The following CNTNAP5 variants were observed in gnomAD, a reference collection of about 807,000 sequenced individuals.
CNTNAP5 encodes the protein contactin-associated protein-like 5.
Under a neutral mutation model 150.2 loss-of-function variants are expected in CNTNAP5, and 72 were observed. That is an observed-to-expected ratio of 0.48 (90% CI 0.40 to 0.58). The LOEUF (loss-of-function observed/expected upper bound fraction) is 0.58. Among genes scored for constraint, CNTNAP5 ranks in the 20% least tolerant of loss-of-function variants. CNTNAP5 has a pLI of 0.00. For synonymous variants in CNTNAP5, 672 were observed against 619.8 expected, an observed-to-expected ratio of 1.08 and a Z score of -1.25; for missense variants, 1,636 against 1,626.2, an observed-to-expected ratio of 1.01 and a Z score of -0.10.
intron 3 of CNTNAP5, among the ~76,000 whole-genome samples, chr2:124,318,971 CT>C (rs1689035856): frequency 6.6e-6 from 1 of 152,192 alleles, no homozygotes; most frequent in Admixed American, 6.5e-5. Flanking sequence ...TAACTCCCCT[CT>C]TTTGCGAAAT....
intron 13 of CNTNAP5, among the ~76,000 whole-genome samples, chr2:124,655,941 G>A (rs143049107): frequency 0.062 from 3,538 of 57,424 alleles, 67 homozygotes; most frequent in Non-Finnish European, 0.072. Context: ...GAGAGAGAGA[G>A]AGAGAGAAAG....
intron 1 of CNTNAP5, among the ~76,000 whole-genome samples, chr2:124,194,190 G>A (rs1034590597): frequency 4.6e-5 from 7 of 151,126 alleles, no homozygotes; most frequent in South Asian, 2.1e-4. Context: ...TTTTCTCTGC[G>A]CTACTGAACA....
intron 3 of CNTNAP5, among the ~76,000 whole-genome samples, chr2:124,403,454 T>C (rs1260494501): frequency 6.6e-6 from 1 of 152,204 alleles, no homozygotes; most frequent in Non-Finnish European, 1.5e-5. Flanking sequence ...GTTTTTTTTA[T>C]GTTTCTTTGT....
In CNTNAP5 at chr2:124,771,256, G is replaced by A. The variant is rs560265863; in HGVS notation, c.2534-1543G>A. Among the ~76,000 whole-genome samples, 195 of 152,258 alleles carry A rather than the reference G, an allele frequency of 1.3e-3. 2 individuals carry two copies. In the South Asian group the frequency reaches 0.013, roughly 10 times the overall value. ...GGGGTAGAGGAGAGGGAGCAATTGT[G>A]AAGGTGCCTAGAAAAAAAGGAATGC... On this transcript the variant is annotated intron_variant, in intron 16 of 23. Transcript: ENST00000682447.
chr2:124,293,198 T>C (rs1429714542), intron 3 of CNTNAP5, among the ~76,000 whole-genome samples: 1 of 152,132 alleles, frequency 6.6e-6, no homozygotes, highest in Non-Finnish European at 1.5e-5. Context: ...GTGTTTAATA[T>C]GATATTTAAC....
chr2:124,626,534 A>G (rs1314937396), intron 12 of CNTNAP5, among the ~76,000 whole-genome samples: 1 of 152,144 alleles, frequency 6.6e-6, no homozygotes, highest in Non-Finnish European at 1.5e-5. Context: ...TGCCAAGGGT[A>G]CTATGCTTTT....
chr2:124,159,231 G>A (rs1684616428), intron 1 of CNTNAP5, among the ~76,000 whole-genome samples: 1 of 152,130 alleles, frequency 6.6e-6, no homozygotes, highest in Non-Finnish European at 1.5e-5. Context: ...AAAGGTTTAG[G>A]TGATATCTCA....
At chr2:124,852,515 G>A (rs28595295) in intron 19 of CNTNAP5, among the ~76,000 whole-genome samples, 7,606 of 152,272 alleles carry the variant, frequency 0.05, 556 homozygotes, top group African/African-American at 0.16. Context: ...GAGGTACAAG[G>A]GAATATGATA....
intron 4 of CNTNAP5, among the ~76,000 whole-genome samples, chr2:124,418,991 G>A (rs1316711389): frequency 2.0e-5 from 3 of 148,932 alleles, no homozygotes; most frequent in Admixed American, 6.7e-5. Flanking sequence ...AAAATTAGCC[G>A]GGCGCGGTGG....
At chr2:124,502,242 G>T (rs1448837746) in intron 7 of CNTNAP5, among the ~76,000 whole-genome samples, 1 of 152,108 alleles carries the variant, frequency 6.6e-6, no homozygotes, top group Non-Finnish European at 1.5e-5. Flanking sequence ...AAGAAGTTGG[G>T]CCCATTAAAC....
intron 6 of CNTNAP5, among the ~76,000 whole-genome samples, chr2:124,463,938 T>G (rs1386330254): frequency 5.3e-5 from 8 of 152,158 alleles, no homozygotes; most frequent in Non-Finnish European, 1.0e-4. Flanking sequence ...TGCTGTCATT[T>G]TTTTTCAGCT....
chr2:124,227,158 G>A lies in CNTNAP5; in HGVS notation c.187+5349G>A, dbSNP rs141833282. ...AGCAATGAGCAATCACTCTGAGTGT[G>A]CTGGGCATTTCTCCACTCTGCCTTG... is the stretch of plus-strand genomic sequence containing the variant. On this transcript the variant is annotated intron_variant, in intron 2 of 23. Transcript: ENST00000682447. Among the ~76,000 whole-genome samples the A allele has an allele frequency of 8.5e-5, 13 of 152,250 alleles. No individual in the cohort carries two copies. In the East Asian group the frequency reaches 2.3e-3, roughly 27 times the overall value.
chr2:124,524,300 C>A lies in CNTNAP5; in HGVS notation c.1328-3C>A. On this transcript the variant is annotated splice_polypyrimidine_tract_variant and splice_region_variant and intron_variant, in intron 8 of 23. Coordinates refer to ENST00000682447, the MANE Select transcript of CNTNAP5 (RefSeq NM_001367498.1). ...TATGCTTACTCTCTTGTTTCTCTTG[C>A]AGGCAGCAACTTGAATGATGGCCTG... The A allele has an allele frequency of 1.2e-6, 2 of 1,613,670 alleles. No homozygotes were observed. Among genetic ancestry groups the A allele is most frequent in the Non-Finnish European group, 1.7e-6 (2 of 1,179,716 alleles).
intron 1 of CNTNAP5, among the ~76,000 whole-genome samples, chr2:124,057,006 C>A (rs1681867723): frequency 6.6e-6 from 1 of 152,236 alleles, no homozygotes; most frequent in South Asian, 2.1e-4. Context: ...TTTTTACTTA[C>A]CTAGGCTGTG....
At chr2:124,029,259 C>A (rs547395284) in intron 1 of CNTNAP5, among the ~76,000 whole-genome samples, 1 of 151,890 alleles carries the variant, frequency 6.6e-6, no homozygotes, top group Non-Finnish European at 1.5e-5. Flanking sequence ...TTGAGTTATC[C>A]GAAGCTTATG....
Position 124,186,027 on chromosome 2 carries a change from T to G in CNTNAP5, c.83-35678T>G, listed in dbSNP as rs75489845. 4.9e-3 allele frequency among the ~76,000 whole-genome samples: 754 copies of G among 152,362 alleles called. 6 individuals are homozygous for G. Among genetic ancestry groups the G allele is most frequent in the African/African-American group, 0.017 (699 of 41,572 alleles). The stretch of plus-strand genomic sequence containing the variant: ...TACTATGTATTGTATAGAGCAGCTA[T>G]TCTCATGGTAACCATGCCAACAAGT... On this transcript the variant is annotated intron_variant, in intron 1 of 23. Coordinates refer to ENST00000682447, the MANE Select transcript of CNTNAP5 (RefSeq NM_001367498.1).
intron 3 of CNTNAP5, among the ~76,000 whole-genome samples, chr2:124,384,024 A>G (rs2104740907): frequency 6.6e-6 from 1 of 152,106 alleles, no homozygotes; most frequent in East Asian, 1.9e-4. Flanking sequence ...TTCTCTTATT[A>G]TTGCCCCATT....
At chr2:124,527,603 G>A in intron 10 of CNTNAP5, 147 bp downstream of exon 10, 4 of 575,886 alleles carry the variant, frequency 6.9e-6, no homozygotes, top group Non-Finnish European at 1.1e-5. Context: ...ATTTCTGAAA[G>A]GATTTCAGGC....
chr2:124,789,928 T>C lies in CNTNAP5; in HGVS notation c.2779T>C (p.Phe927Leu). The part of the protein sequence containing the change: ...VGGTSSRQKG[F>L]LGCIRSLHLN... ...GGGAACGTCATCCAGACAGAAAGGC[T>C]TCCTAGGATGCATTCGCTCCTTACA... is the stretch of plus-strand genomic sequence containing the variant. Residue 927 changes from phenylalanine to leucine, a missense_variant, in exon 18 of 24, where the codon TTC becomes CTC. By Grantham distance (22) the Phe-to-Leu change is conservative. Coordinates refer to ENST00000682447, the MANE Select transcript of CNTNAP5 (RefSeq NM_001367498.1). 1 of 1,613,244 alleles carries C rather than the reference T, an allele frequency of 6.2e-7. No individual in the cohort carries two copies. Among genetic ancestry groups the C allele is most frequent in the Non-Finnish European group, 8.5e-7 (1 of 1,179,438 alleles).
Sources: gnomAD v4.1 joint callset for allele counts (sites outside exome capture counted in the v4.1 genomes callset) on GRCh38, gnomAD v4.1.1 for gene constraint, MANE v1.5 for transcripts, NCBI Gene and HGNC (gene_info 2026-07-23, HGNC 2026-07-21) for gene names.